ZNF550: variants seen among roughly 807,000 people sequenced by gnomAD.
ZNF550 encodes the protein zinc finger protein 550.
ZNF550 carries 42 observed loss-of-function variants against 40.2 expected under a neutral mutation model. The observed-to-expected ratio is 1.05, with a 90% CI of 0.82 to 1.35. The LOEUF is 1.35. Ranked by LOEUF, ZNF550 falls within the 40% of genes most tolerant of loss-of-function variation. ZNF550 has a pLI of 0.00. For synonymous variants in ZNF550, 223 were observed against 198.6 expected, an observed-to-expected ratio of 1.12 and a Z score of -1.03; for missense variants, 549 against 525.2, an observed-to-expected ratio of 1.05 and a Z score of -0.44.
upstream of ZNF550, among the ~76,000 whole-genome samples, chr19:57,560,222 T>A (rs2090158474): frequency 6.6e-6 from 1 of 152,168 alleles, no homozygotes; most frequent in South Asian, 2.1e-4. Flanking sequence ...TACGCCTGGT[T>A]ACTGCGTCCT....
exon 4 of ZNF550, chr19:57,546,542 G>T: frequency 6.0e-6 from 6 of 993,412 alleles, no homozygotes; most frequent in Non-Finnish European, 7.2e-6. Flanking sequence ...ACAAGCAAGT[G>T]ACAACCTGGT....
exon 4 of ZNF550, chr19:57,547,809 G>C (rs1316711539): frequency 1.5e-5 from 25 of 1,614,014 alleles, no homozygotes; most frequent in Non-Finnish European, 1.9e-5. Flanking sequence ...CCTTGTGGAG[G>C]TCTGTCTCCG....
intron 4 of ZNF550, chr19:57,544,200 A>G (rs1476684370): frequency 1.0e-6 from 1 of 985,390 alleles, no homozygotes; most frequent in Non-Finnish European, 1.2e-6. Flanking sequence ...GTGAGTGGCC[A>G]TGGAGCTAAA....
At position 57,554,055 on chromosome 19, in the gene ZNF550, T is replaced by C. The variant is rs1237978872; in HGVS notation, c.155-1333A>G. 1.3e-5 allele frequency: 2 copies of C among 152,174 alleles called. No homozygotes were observed. The highest frequency in any genetic ancestry group is 2.9e-5 in the Non-Finnish European group (2 of 68,082). 9.4% of individuals were successfully genotyped at this position (152,174 alleles called of 1,614,324 possible). A position where few individuals can be genotyped will look rare whatever the true frequency, so the allele number is the denominator to read the frequency against. On this transcript the variant is annotated intron_variant, in intron 2 of 4. Coordinates refer to ENST00000457177, the Ensembl canonical transcript of ZNF550. This position sits in a 1 kb window ranked among gnomAD's most constrained non-coding sequence, Gnocchi z 4.5. ...AGCCAGGTATGGTGGTGTGCACCTA[T>C]GGTCCTAGCTACTCAAGGGGATGAG...
At chr19:57,549,394 G>A (rs916614180) in intron 3 of ZNF550, among the ~76,000 whole-genome samples, 10 of 152,054 alleles carry the variant, frequency 6.6e-5, no homozygotes, top group East Asian at 1.9e-4. Context: ...GCAGTGAGCC[G>A]AGATTGCACC....
At chr19:57,546,726 T>C in exon 4 of ZNF550, 1 of 1,251,174 alleles carries the variant, frequency 8.0e-7, no homozygotes, top group Non-Finnish European at 1.0e-6. Context: ...CCCCCTGGTA[T>C]GAATCCTTCT....
chr19:57,555,821 GC>G (rs1004244800), intron 2 of ZNF550: 1 of 225,204 alleles, frequency 4.4e-6, no homozygotes, highest in Admixed American at 5.2e-5. Context: ...GCACCCAGAT[GC>G]CTTTTTACAG....
rs938941129 is a variant in ZNF550, at chr19:57,550,039, GT to G, written c.251-2047del. 3.2e-3 allele frequency among the ~76,000 whole-genome samples: 485 copies of G among 152,318 alleles called. 3 individuals are homozygous for G. Among genetic ancestry groups the G allele is most frequent in the African/African-American group, 0.011 (468 of 41,566 alleles). ...ATGCAGCGCAAGTGTTCATTAAATTGTGGGACATTACCCTTATTATTTTCAT... is the reference window on the plus strand; with the variant it reads ...ATGCAGCGCAAGTGTTCATTAAATTGGGGACATTACCCTTATTATTTTCAT... On this transcript the variant is annotated intron_variant, in intron 3 of 4. Coordinates refer to ENST00000457177, the Ensembl canonical transcript of ZNF550.
At chr19:57,553,840 A>G (rs1481158043) in intron 2 of ZNF550, 1 of 152,228 alleles carries the variant, frequency 6.6e-6, no homozygotes, top group Non-Finnish European at 1.5e-5. Flanking sequence ...CAGTACTTCC[A>G]AAATGTGCCC....
At chr19:57,544,974 TA>T (rs1332806233) in intron 4 of ZNF550, among the ~76,000 whole-genome samples, 1 of 152,008 alleles carries the variant, frequency 6.6e-6, no homozygotes, top group Admixed American at 6.6e-5. Flanking sequence ...ATACAAAAAT[TA>T]GCTGGGCATG....
chr19:57,542,303 T>C (rs1000880706), exon 5 of ZNF550: 5 of 149,232 alleles, frequency 3.4e-5, no homozygotes, highest in Non-Finnish European at 7.4e-5. Flanking sequence ...TCCAGTTACA[T>C]ACTAGATCAC....
rs564988904 is a variant in ZNF550, at chr19:57,544,104, A to G, written c.*519-861T>C. ...TGTTCTCATGTGTTTTTCCTATATT[A>G]GACAGTAAGTTCCTTCCCTGCTCAA... On this transcript the variant is annotated intron_variant, in intron 4 of 4. Coordinates refer to ENST00000457177, the Ensembl canonical transcript of ZNF550. The G allele has an allele frequency of 3.0e-6, 3 of 985,444 alleles. No homozygotes were observed. In the South Asian group the frequency reaches 1.4e-4, roughly 46 times the overall value. 61.0% of individuals were successfully genotyped at this position (985,444 alleles called of 1,614,324 possible). A position where few individuals can be genotyped will look rare whatever the true frequency, so the allele number is the denominator to read the frequency against.
At chr19:57,557,871 A>G (rs777402945) in intron 1 of ZNF550, among the ~76,000 whole-genome samples, 1 of 152,248 alleles carries the variant, frequency 6.6e-6, no homozygotes, top group Non-Finnish European at 1.5e-5. Context: ...AATCAACACA[A>G]TAACTATTCC....
intron 3 of ZNF550, among the ~76,000 whole-genome samples, chr19:57,549,318 G>T (rs978299647): frequency 6.6e-6 from 1 of 152,112 alleles, no homozygotes; most frequent in Non-Finnish European, 1.5e-5. Flanking sequence ...GGTGGTGCAT[G>T]CCTGTAATCC....
At chr19:57,546,707 T>A (rs2090012921) in exon 4 of ZNF550, 1 of 1,216,256 alleles carries the variant, frequency 8.2e-7, no homozygotes, top group Non-Finnish European at 1.0e-6. Context: ...TGGAATGCCT[T>A]CCACATTTCC....
intron 2 of ZNF550, chr19:57,553,874 G>A (rs1334800350): frequency 6.6e-6 from 1 of 152,150 alleles, no homozygotes; most frequent in African/African-American, 2.4e-5. Flanking sequence ...TGCCCAGATG[G>A]GGCTGCAAAC....
chr19:57,543,595 A>G, intron 4 of ZNF550: 1 of 984,876 alleles, frequency 1.0e-6, no homozygotes, highest in South Asian at 4.7e-5. Flanking sequence ...CTTTTTATCT[A>G]ATTTGTTCAT....
At chr19:57,543,477 A>T in intron 4 of ZNF550, 1 of 414,906 alleles carries the variant, frequency 2.4e-6, no homozygotes, top group Non-Finnish European at 3.2e-6. Flanking sequence ...TACCGTCCAC[A>T]TTTCCTCTGT....
chr19:57,546,306 C>G (rs1218713352), intron 4 of ZNF550, among the ~76,000 whole-genome samples: 1 of 151,852 alleles, frequency 6.6e-6, no homozygotes, highest in Non-Finnish European at 1.5e-5. Context: ...AAGAGCTGCC[C>G]TCACTGTCTA....
Sources: allele counts gnomAD v4.1 joint callset (sites outside exome capture counted in the v4.1 genomes callset), GRCh38; gene constraint gnomAD v4.1.1; non-coding constraint Gnocchi (gnomAD v3.1); transcripts MANE v1.5; gene names NCBI Gene and HGNC (gene_info 2026-07-23, HGNC 2026-07-21).